HDAC9: variants seen among roughly 807,000 people sequenced by gnomAD.
HDAC9 encodes the protein histone deacetylase 9.
HDAC9 carries 41 observed loss-of-function variants against 139.4 expected under a neutral mutation model. That is an observed-to-expected ratio of 0.29 (90% CI 0.23 to 0.38). The LOEUF is 0.38. Ranked by LOEUF, HDAC9 falls within the 10% of genes least tolerant of loss-of-function variation. The pLI is 1.00. For missense variants in HDAC9, 1,147 were observed against 1,297.0 expected (o/e 0.88, Z 1.78); for synonymous variants, 517 against 476.2 (o/e 1.09, Z -1.12).
chr7:18,901,124 C>A (rs971817954), intron 22 of HDAC9, among the ~76,000 whole-genome samples: 3 of 151,072 alleles, frequency 2.0e-5, no homozygotes, highest in South Asian at 2.1e-4. Context: ...TACAGAGATT[C>A]CCAAAAAGAT....
chr7:18,139,737 G>C (rs1461528069), intron 1 of HDAC9, among the ~76,000 whole-genome samples: 1 of 152,116 alleles, frequency 6.6e-6, no homozygotes, highest in African/African-American at 2.4e-5. Flanking sequence ...GTATTGTCCA[G>C]GTGGGCCCTA....
At chr7:18,744,138 A>G (rs1166122334) in intron 13 of HDAC9, among the ~76,000 whole-genome samples, 5 of 150,508 alleles carry the variant, frequency 3.3e-5, no homozygotes, top group African/African-American at 9.8e-5. Flanking sequence ...TTGCAGGCAT[A>G]TACCACCACA....
At chr7:18,114,496 C>T (rs1031718351) in intron 1 of HDAC9, among the ~76,000 whole-genome samples, 1 of 152,156 alleles carries the variant, frequency 6.6e-6, no homozygotes, top group Non-Finnish European at 1.5e-5. Flanking sequence ...TGCTATTTCA[C>T]CTGGAAGGCT....
At chr7:18,594,137 T>C (rs1238690237) in intron 6 of HDAC9, 108 bp downstream of exon 6, 1 of 1,124,500 alleles carries the variant, frequency 8.9e-7, no homozygotes, top group South Asian at 1.4e-5. Context: ...GTAGATAATA[T>C]ACCTCCCCAC....
intron 2 of HDAC9, among the ~76,000 whole-genome samples, chr7:18,561,291 G>A (rs2128707323): frequency 6.6e-6 from 1 of 152,258 alleles, no homozygotes; most frequent in East Asian, 1.9e-4. Flanking sequence ...CAACTTCACT[G>A]AGCATACTTT....
At chr7:18,534,671 G>A (rs1216138900) in intron 2 of HDAC9, among the ~76,000 whole-genome samples, 4 of 152,272 alleles carry the variant, frequency 2.6e-5, no homozygotes, top group South Asian at 2.1e-4. Context: ...TGAAGGCAAC[G>A]TGCTTGTTTG....
intron 22 of HDAC9, 61 bp downstream of exon 22, chr7:18,874,657 T>A: frequency 1.1e-6 from 1 of 934,244 alleles, no homozygotes. Context: ...TTTAGGTCTT[T>A]ATGATAGACA....
intron 1 of HDAC9, among the ~76,000 whole-genome samples, chr7:18,097,032 A>G (rs546087742): frequency 1.8e-4 from 27 of 152,198 alleles, no homozygotes; most frequent in Admixed American, 3.9e-4. Flanking sequence ...TTCTATGTCT[A>G]TGCTCTGCAA....
At chr7:18,946,208 G>T (rs183839103) in intron 23 of HDAC9, among the ~76,000 whole-genome samples, 3 of 151,768 alleles carry the variant, frequency 2.0e-5, no homozygotes, top group Non-Finnish European at 4.4e-5. Context: ...TTTATAAAAC[G>T]TCTTGATATC....
chr7:18,550,202 G>A (rs911447300), intron 2 of HDAC9, among the ~76,000 whole-genome samples: 6 of 152,120 alleles, frequency 3.9e-5, no homozygotes, highest in African/African-American at 1.2e-4. Flanking sequence ...GTGATAGAAA[G>A]CATGAAGTAG....
intron 24 of HDAC9, among the ~76,000 whole-genome samples, chr7:18,961,845 C>T (rs909832027): frequency 3.3e-5 from 5 of 152,174 alleles, no homozygotes; most frequent in African/African-American, 1.2e-4. Flanking sequence ...ATAAACCAAG[C>T]AGTCTAGATC....
intron 1 of HDAC9, among the ~76,000 whole-genome samples, chr7:18,376,633 C>T (rs1288700618): frequency 6.6e-6 from 1 of 152,088 alleles, no homozygotes; most frequent in Non-Finnish European, 1.5e-5. Context: ...CTAACATGAG[C>T]CTCCCTTCCT....
intron 1 of HDAC9, among the ~76,000 whole-genome samples, chr7:18,429,900 C>T (rs1790482210): frequency 6.6e-6 from 1 of 152,166 alleles, no homozygotes; most frequent in African/African-American, 2.4e-5. Flanking sequence ...ATTTCAGTTA[C>T]ATTCAACCAG....
intron 22 of HDAC9, among the ~76,000 whole-genome samples, chr7:18,917,894 C>T (rs1164648466): frequency 6.6e-6 from 1 of 151,842 alleles, no homozygotes; most frequent in African/African-American, 2.4e-5. Flanking sequence ...ACAATAACGG[C>T]ATATTGGGGC....
intron 12 of HDAC9, among the ~76,000 whole-genome samples, chr7:18,697,605 A>C (rs1783149408): frequency 6.6e-6 from 1 of 152,122 alleles, no homozygotes; most frequent in Non-Finnish European, 1.5e-5. Context: ...CTATGTTAAG[A>C]CTGTTTAAGA....
rs1388156775 is a variant in HDAC9, at chr7:18,829,542, A to G, written c.2460A>G (p.Val820=). The stretch of plus-strand genomic sequence containing the variant: ...TAAATATAAGCAAGATATTGATTGT[A>G]GATCTGGTATGTATTCCTGGCCAGA... The part of the protein sequence containing the change: ...DQLNISKILI[V]DLDVHHGNGT... The change falls in exon 19 of 26, where the codon GTA becomes GTG. Residue 820 remains valine, a synonymous_variant. Transcript: ENST00000686413. The G allele has an allele frequency of 2.5e-6, 4 of 1,589,246 alleles. No individual in the cohort carries two copies. The highest frequency in any genetic ancestry group is 1.7e-5 in the Admixed American group (1 of 59,500).
chr7:18,448,257 T>C (rs1303183076), intron 1 of HDAC9, among the ~76,000 whole-genome samples: 1 of 152,244 alleles, frequency 6.6e-6, no homozygotes, highest in Non-Finnish European at 1.5e-5. Flanking sequence ...AAATTTATTC[T>C]GTATAGCTAC....
At chr7:18,263,597 AAG>A (rs1182288606) in intron 2 of HDAC9, among the ~76,000 whole-genome samples, 1 of 142,286 alleles carries the variant, frequency 7.0e-6, no homozygotes, top group Non-Finnish European at 1.5e-5. Context: ...CTTGCTTGGT[AAG>A]AGTTTATAAT....
chr7:18,464,662 A>G (rs1794121355), intron 1 of HDAC9, among the ~76,000 whole-genome samples: 1 of 152,054 alleles, frequency 6.6e-6, no homozygotes, highest in Non-Finnish European at 1.5e-5. Flanking sequence ...GTATTGCTAT[A>G]CTGGATCAAT....
Sources: gnomAD v4.1 joint callset for allele counts (sites outside exome capture counted in the v4.1 genomes callset) on GRCh38, gnomAD v4.1.1 for gene constraint, MANE v1.5 for transcripts, NCBI Gene and HGNC (gene_info 2026-07-23, HGNC 2026-07-21) for gene names.